TYW5: variants seen among roughly 807,000 people sequenced by gnomAD.
The protein encoded by TYW5 is tRNA wybutosine-synthesizing protein 5.
In TYW5, 36 loss-of-function variants were observed where a neutral mutation model predicts 44.4. The observed-to-expected ratio is 0.81, with a 90% CI of 0.62 to 1.07. The LOEUF is 1.07. Ranked by LOEUF, TYW5 falls within the 50% of genes least tolerant of loss-of-function variation. The probability of loss-of-function intolerance (pLI) is 0.00; values close to 1 mark genes in which losing one functional copy is unlikely to be tolerated. For missense variants in TYW5, 354 were observed against 365.7 expected (o/e 0.97, Z 0.26); for synonymous variants, 121 against 128.1 (o/e 0.94, Z 0.37).
rs560177143 is a variant in TYW5, at chr2:199,938,189, G to C, written c.486+744C>G. Among the ~76,000 whole-genome samples, 93 of 151,756 alleles carry C rather than the reference G, an allele frequency of 6.1e-4. 1 individual carries two copies. The South Asian group carries it at 0.019, about 31-fold the overall frequency. On this transcript the variant is annotated intron_variant, in intron 5 of 7. Transcript: ENST00000354611. ...ACGCCATTCTCCTGCCTAAGCCTCT[G>C]GAGTAGCTGGGACTACAGGCACCCG...
intron 3 of TYW5, chr2:199,942,522 A>C (rs1000794311): frequency 2.6e-5 from 4 of 152,182 alleles, no homozygotes; most frequent in African/African-American, 9.7e-5. Context: ...TGGCTATTTA[A>C]ATATATACCA....
chr2:199,953,010 C>T (rs1300793035), intron 1 of TYW5, among the ~76,000 whole-genome samples: 1 of 152,106 alleles, frequency 6.6e-6, no homozygotes, highest in Non-Finnish European at 1.5e-5. Flanking sequence ...CTAATATAAA[C>T]TATGAATTTT....
chr2:199,939,191 G>T, intron 4 of TYW5, 121 bp from the exon 5 acceptor site: 1 of 836,520 alleles, frequency 1.2e-6, no homozygotes, highest in Non-Finnish European at 1.7e-6. Flanking sequence ...GCCAATACAT[G>T]ATCTCTCTCT....
At chr2:199,950,448 A>G (rs2077535762) in intron 1 of TYW5, among the ~76,000 whole-genome samples, 1 of 152,260 alleles carries the variant, frequency 6.6e-6, no homozygotes, top group South Asian at 2.1e-4. Context: ...GTCCTCAAAT[A>G]AAGTTATAAC....
chr2:199,938,368 A>G (rs2077438310), intron 5 of TYW5, among the ~76,000 whole-genome samples: 1 of 152,146 alleles, frequency 6.6e-6, no homozygotes, highest in African/African-American at 2.4e-5. Flanking sequence ...CCAGCAGATC[A>G]AGATCAATAT....
At chr2:199,951,813 G>C (rs1327523310) in intron 1 of TYW5, among the ~76,000 whole-genome samples, 1 of 151,986 alleles carries the variant, frequency 6.6e-6, no homozygotes, top group African/African-American at 2.4e-5. Context: ...TCAGGAGATC[G>C]AGACCATCCT....
At chr2:199,938,792 A>T in intron 5 of TYW5, 141 bp downstream of exon 5, 1 of 814,386 alleles carries the variant, frequency 1.2e-6, no homozygotes, top group Non-Finnish European at 1.8e-6. Flanking sequence ...ACTGCTATGC[A>T]CAGCACCTAT....
intron 7 of TYW5, 79 bp from the exon 8 acceptor site, chr2:199,933,402 A>G: frequency 8.4e-7 from 1 of 1,188,804 alleles, no homozygotes; most frequent in Non-Finnish European, 1.2e-6. Flanking sequence ...AAATATCACG[A>G]ATTGCATATA....
At position 199,955,437 on chromosome 2, in the gene TYW5, C is replaced by T; in HGVS notation, c.34G>A (p.Glu12Lys). 1 of 1,613,952 alleles carries T rather than the reference C, an allele frequency of 6.2e-7. No individual in the cohort carries two copies. The highest frequency in any genetic ancestry group is 8.5e-7 in the Non-Finnish European group (1 of 1,179,982). ...AGQHLPVPRL[E>K]GVSREQFMQH... ...ATGAACTGCTCCCGAGAAACGCCCT[C>T]CAGCCGGGGTACCGGGAGGTGCTGC... The change falls in exon 1 of 8, where the codon GAG (glutamate) becomes AAG (lysine). Residue 12 changes from glutamate to lysine, a missense_variant. Physicochemically the swap from Glu to Lys is moderately conservative, Grantham distance 56. Coordinates refer to ENST00000354611, the MANE Select transcript of TYW5 (RefSeq NM_001039693.3).
rs2077350876 is a variant in TYW5 at position 199,929,143 on chromosome 2, AT to A, written c.*3923del. Among the ~76,000 whole-genome samples the A allele has an allele frequency of 6.6e-6, 1 of 150,856 alleles. No individual in the cohort carries two copies. Among genetic ancestry groups the A allele is most frequent in the South Asian group, 2.1e-4 (1 of 4,776 alleles). ...CAGGCAAGAGTCACCAAAAAAGGTC[AT>A]TTTAGTATTCTGTTTAATGGAACTT... is the stretch of plus-strand genomic sequence containing the variant. On this transcript the variant is annotated 3_prime_UTR_variant, in exon 8 of 8. Coordinates refer to ENST00000354611, the MANE Select transcript of TYW5 (RefSeq NM_001039693.3).
intron 3 of TYW5, among the ~76,000 whole-genome samples, chr2:199,940,729 A>G (rs1449129261): frequency 6.6e-6 from 1 of 152,196 alleles, no homozygotes; most frequent in South Asian, 2.1e-4. Flanking sequence ...CCATAAAACA[A>G]TAAGTAAAAT....
intron 7 of TYW5, among the ~76,000 whole-genome samples, chr2:199,935,495 C>T (rs1053991061): frequency 6.6e-6 from 1 of 151,680 alleles, no homozygotes; most frequent in African/African-American, 2.4e-5. Context: ...AGATGCACAC[C>T]ACCATGCCTG....
intron 2 of TYW5, chr2:199,948,078 T>G (rs1015755384): frequency 5.2e-6 from 2 of 383,532 alleles, no homozygotes; most frequent in Admixed American, 4.3e-5. Flanking sequence ...GGTGGCGCAG[T>G]AAAACTCTGT....
rs1018391231 is a variant in TYW5, at chr2:199,930,714, C to G, written c.*2353G>C. 29 of 152,108 alleles carry G rather than the reference C, an allele frequency of 1.9e-4. No individual in the cohort carries two copies. The highest frequency in any genetic ancestry group is 6.0e-4 in the African/African-American group (25 of 41,388). 9.4% of individuals were successfully genotyped at this position (152,108 alleles called of 1,614,324 possible). A position where few individuals can be genotyped will look rare whatever the true frequency, so the allele number is the denominator to read the frequency against. ...CATCAGGTCAAGCCCCCAAACTAGCCAAAGAAAAGCTGTGTAATCTATTCA... is the reference window on the plus strand; with the variant it reads ...CATCAGGTCAAGCCCCCAAACTAGCGAAAGAAAAGCTGTGTAATCTATTCA... On this transcript the variant is annotated 3_prime_UTR_variant, in exon 8 of 8. Transcript: ENST00000354611.
chr2:199,940,186 T>TA, intron 3 of TYW5, 53 bp from the exon 4 acceptor site: 2 of 1,509,262 alleles, frequency 1.3e-6, no homozygotes, highest in South Asian at 2.3e-5. Context: ...TTTTCAAATG[T>TA]AAAAATACTA....
At chr2:199,935,510 AATTT>A (rs1019833459) in intron 7 of TYW5, among the ~76,000 whole-genome samples, 5 of 151,206 alleles carry the variant, frequency 3.3e-5, no homozygotes, top group Admixed American at 6.6e-5. Context: ...TGCCTGACTA[AATTT>A]ATTTATTTAT....
intron 2 of TYW5, chr2:199,946,400 C>G (rs1449051955): frequency 1.3e-5 from 2 of 152,046 alleles, no homozygotes; most frequent in African/African-American, 4.8e-5. Flanking sequence ...GATGAGAGTA[C>G]AATAAACAAG....
At chr2:199,953,881 C>T (rs1273054209) in intron 1 of TYW5, among the ~76,000 whole-genome samples, 2 of 152,202 alleles carry the variant, frequency 1.3e-5, no homozygotes, top group Middle Eastern at 3.4e-3. Flanking sequence ...TACAAAATAC[C>T]TTTTGCTATG....
At chr2:199,949,498 A>G (rs1339375128) in intron 1 of TYW5, among the ~76,000 whole-genome samples, 2 of 152,228 alleles carry the variant, frequency 1.3e-5, no homozygotes, top group East Asian at 3.8e-4. Flanking sequence ...TCAATCTGAG[A>G]TGTCACACTG....
Sources: gnomAD v4.1 joint callset for allele counts (sites outside exome capture counted in the v4.1 genomes callset) on GRCh38, gnomAD v4.1.1 for gene constraint, MANE v1.5 for transcripts, NCBI Gene and HGNC (gene_info 2026-07-23, HGNC 2026-07-21) for gene names.